The following SEC16A variants were observed in gnomAD, a reference collection of about 807,000 sequenced individuals.
The protein encoded by SEC16A is SEC16 homolog A, endoplasmic reticulum export factor.
Under a neutral mutation model 221.9 loss-of-function variants are expected in SEC16A, and 110 were observed. The observed-to-expected ratio is 0.50, with a 90% CI of 0.42 to 0.58. SEC16A has a LOEUF of 0.58. Among genes scored for constraint, SEC16A ranks in the 20% least tolerant of loss-of-function variants. SEC16A has a pLI of 0.00. For missense variants in SEC16A, 3,165 were observed against 3,097.8 expected (o/e 1.02, Z -0.52); for synonymous variants, 1,393 against 1,257.7 (o/e 1.11, Z -2.28).
At chr9:136,468,366 T>C in intron 5 of SEC16A, 49 bp downstream of exon 5, 1 of 1,237,674 alleles carries the variant, frequency 8.1e-7, no homozygotes, top group East Asian at 2.3e-5. Flanking sequence ...TCAGTGTCTT[T>C]TGCACAAGGC....
At chr9:136,449,939 C>G (rs553678443) in intron 23 of SEC16A, among the ~76,000 whole-genome samples, 4 of 152,186 alleles carry the variant, frequency 2.6e-5, no homozygotes, top group Admixed American at 6.5e-5. Context: ...CATGGTGGCT[C>G]ACACCTGTAA....
intron 30 of SEC16A, 105 bp downstream of exon 30, chr9:136,444,947 C>T (rs963558738): frequency 3.5e-5 from 30 of 845,296 alleles, no homozygotes; most frequent in South Asian, 7.3e-5. Context: ...AGACAACGGG[C>T]GAGGTTAGTG....
chr9:136,470,598 G>C (rs1191450427), intron 4 of SEC16A, among the ~76,000 whole-genome samples: 1 of 152,202 alleles, frequency 6.6e-6, no homozygotes, highest in Non-Finnish European at 1.5e-5. Flanking sequence ...ACAGCCTCCA[G>C]AGAGGTGAAG....
chr9:136,449,715 T>A (rs1209810459), intron 23 of SEC16A, among the ~76,000 whole-genome samples: 1 of 152,166 alleles, frequency 6.6e-6, no homozygotes, highest in Non-Finnish European at 1.5e-5. Flanking sequence ...TCTCTGTGAG[T>A]TCTACTGGCC....
At chr9:136,455,194 C>T (rs546388081) in intron 20 of SEC16A, among the ~76,000 whole-genome samples, 1 of 152,288 alleles carries the variant, frequency 6.6e-6, no homozygotes, top group South Asian at 2.1e-4. Flanking sequence ...GACTTGACTC[C>T]CTGGAGCTCT....
rs1248295806 is a variant in SEC16A at position 136,477,379 on chromosome 9, T to C, written c.237A>G (p.Gln79=). 1 of 1,614,006 alleles carries C rather than the reference T, an allele frequency of 6.2e-7. No individual in the cohort carries two copies. The highest frequency in any genetic ancestry group is 8.5e-7 in the Non-Finnish European group (1 of 1,179,888). Residue 79 remains glutamine, a synonymous_variant, in exon 3 of 32, where the codon CAA becomes CAG. Transcript: ENST00000684901. ...GAGAAAACCCTGCGGGGGCTGGGCC[T>C]TGCAAGACAGGTGGACTGCTTTTGG... The part of the protein sequence containing the change: ...SSSKSSPPVL[Q]GPAPAGFSQH...
In SEC16A at chr9:136,454,304, G is replaced by C; in HGVS notation, c.5881C>G (p.Pro1961Ala). The C allele has an allele frequency of 6.3e-7, 1 of 1,580,588 alleles. No homozygotes were observed. Residue 1961 changes from proline to alanine, a missense_variant, in exon 21 of 32, where the codon CCA (proline) becomes GCA (alanine). Transcript: ENST00000684901. ...PSAPQTLPDG[P>A]LASPARVPMF... ...GGCACTCTGGCAGGACTGGCCAATG[G>C]GCCGTCAGGGAGCGTCTGCGGAGCT...
Position 136,477,287 on chromosome 9 carries a change from A to G in SEC16A, c.329T>C (p.Leu110Pro). 1 of 1,613,916 alleles carries G rather than the reference A, an allele frequency of 6.2e-7. No individual in the cohort carries two copies. Reference protein sequence around the residue: ...RDSSQGPCEPLPGPLTQPRAH... With the variant: ...RDSSQGPCEPPPGPLTQPRAH... ...TCTGGGCTGTGTCAGAGGTCCAGGC[A>G]GGGGCTCACAGGGTCCCTGAGAGCT... Residue 110 changes from leucine (L) to proline (P), a missense_variant, in exon 3 of 32, where the codon CTG (leucine) becomes CCG (proline). By Grantham distance (98) the Leu-to-Pro change is moderately conservative. Around this residue, in one of 3 missense-constraint regions of SEC16A, gnomAD observed 2,030 missense variants for 1,923.1 expected, o/e 1.06. Coordinates refer to ENST00000684901, the MANE Select transcript of SEC16A (RefSeq NM_014866.2).
intron 8 of SEC16A, among the ~76,000 whole-genome samples, chr9:136,465,167 T>C (rs1177491910): frequency 6.7e-6 from 1 of 148,942 alleles, no homozygotes; most frequent in Non-Finnish European, 1.5e-5. Flanking sequence ...TTTAAGAAAG[T>C]AAGGCCGGGC....
Position 136,445,652 on chromosome 9 carries a change from C to T in SEC16A, c.6860G>A (p.Gly2287Glu). The T allele has an allele frequency of 1.9e-6, 3 of 1,550,740 alleles. No homozygotes were observed. Among genetic ancestry groups the T allele is most frequent in the South Asian group, 2.4e-5 (2 of 84,034 alleles). ...LPSSRPEGSQ[G>E]GELSRCSSMS... is the part of the protein sequence containing the mutation. ...GGCGTCGGCACTCCTTACCTCTCCT[C>T]CCTGGGAACCCTCAGGCCTGGAGGA... Residue 2287 changes from glycine (G) to glutamate (E), a missense_variant, in exon 29 of 32, where the codon GGA becomes GAA. By Grantham distance (98) the Gly-to-Glu change is moderately conservative. Transcript: ENST00000684901.
In SEC16A at chr9:136,475,983, T is replaced by C. The variant is rs1841570878; in HGVS notation, c.1633A>G (p.Thr545Ala). 6.2e-7 allele frequency: 1 copy of C among 1,613,386 alleles called. No individual in the cohort carries two copies. Among genetic ancestry groups the C allele is most frequent in the Non-Finnish European group, 8.5e-7 (1 of 1,179,900 alleles). ...GSARPQELVG[T>A]FIQQEVGKPE... ...TTTCCAACTTCTTGCTGAATGAATG[T>C]GCCAACCAGCTCCTGGGGCCTGGCT... Residue 545 changes from threonine (T) to alanine (A), a missense_variant, in exon 3 of 32, where the codon ACA becomes GCA. Thr to Ala is a moderately conservative substitution (Grantham distance 58, BLOSUM62 0). Transcript: ENST00000684901. This position sits in a 1 kb window ranked among gnomAD's most constrained non-coding sequence, Gnocchi z 5.0.
Position 136,474,974 on chromosome 9 carries a change from T to C in SEC16A, c.2642A>G (p.Glu881Gly). The C allele has an allele frequency of 1.9e-6, 3 of 1,577,618 alleles. No individual in the cohort carries two copies. The highest frequency in any genetic ancestry group is 2.6e-6 in the Non-Finnish European group (3 of 1,160,288). The part of the protein sequence containing the change: ...SSWALGGDSG[E>G]NTSLSGIPTS... Reference sequence around the variant, plus strand: ...TGGAATCCCAGACAAAGAAGTGTTCTCCCCAGAATCACCACCGAGAGCCCA... The same window carrying C: ...TGGAATCCCAGACAAAGAAGTGTTCCCCCCAGAATCACCACCGAGAGCCCA... The change falls in exon 3 of 32, where the codon GAG (glutamate) becomes GGG (glycine). Residue 881 changes from glutamate (E) to glycine (G), a missense_variant. By Grantham distance (98) the Glu-to-Gly change is moderately conservative (BLOSUM62 -2). Coordinates refer to ENST00000684901, the MANE Select transcript of SEC16A (RefSeq NM_014866.2).
rs747511937 is a variant in SEC16A, at chr9:136,467,103, G to A, written c.3803-20C>T. 1 of 1,611,228 alleles carries A rather than the reference G, an allele frequency of 6.2e-7. No individual in the cohort carries two copies. Among genetic ancestry groups the A allele is most frequent in the Admixed American group, 1.7e-5 (1 of 59,946 alleles). ...CTGGATCTGTGAGCAAGGAATTAAT[G>A]ATTAATACAGTAACATGCAAAAGAA... On this transcript the variant is annotated intron_variant, in intron 5 of 31. Coordinates refer to ENST00000684901, the MANE Select transcript of SEC16A (RefSeq NM_014866.2).
At chr9:136,458,260 T>G (rs564632089) in intron 17 of SEC16A, among the ~76,000 whole-genome samples, 8 of 151,458 alleles carry the variant, frequency 5.3e-5, no homozygotes, top group Non-Finnish European at 1.0e-4. Context: ...TGAGCCGCCA[T>G]GCTCAGCCTC....
At chr9:136,471,856 G>A (rs879626663) in intron 4 of SEC16A, 119 bp downstream of exon 4, 77 of 1,226,174 alleles carry the variant, frequency 6.3e-5, no homozygotes, top group Non-Finnish European at 8.2e-5. Flanking sequence ...TGTTAGATAA[G>A]TTTGTACAAT....
chr9:136,448,398 C>G, intron 23 of SEC16A: 1 of 681,672 alleles, frequency 1.5e-6, no homozygotes, highest in Non-Finnish European at 2.7e-6. Flanking sequence ...TCCACAGAGA[C>G]ACCAGGAGGA....
Position 136,447,199 on chromosome 9 carries a change from T to C in SEC16A, c.6697+28A>G. 6.3e-7 allele frequency: 1 copy of C among 1,579,964 alleles called. No individual in the cohort carries two copies. On this transcript the variant is annotated intron_variant, in intron 27 of 31. Coordinates refer to ENST00000684901, the MANE Select transcript of SEC16A (RefSeq NM_014866.2). This position sits in a 1 kb window ranked among gnomAD's most constrained non-coding sequence, Gnocchi z 5.5. ...AAGGTCAGGAGACTGGGGGCTGACC[T>C]GGAGGGGCTGGTGCTCGTGCTACCT...
In SEC16A at chr9:136,477,335, A is replaced by T. The variant is rs1564543606; in HGVS notation, c.281T>A (p.Val94Asp). Residue 94 changes from valine (V) to aspartate (D), a missense_variant, in exon 3 of 32, where the codon GTT (valine) becomes GAT (aspartate). Physicochemically the swap from Val to Asp is radical, Grantham distance 152. Transcript: ENST00000684901. ...AGFSQHPGLL[V>D]PHTHARDSSQ... ...GCTATCTCTGGCATGTGTGTGAGGAACAAGCAAACCGGGGTGCTGAGAAAA... is the reference window on the plus strand; with the variant it reads ...GCTATCTCTGGCATGTGTGTGAGGATCAAGCAAACCGGGGTGCTGAGAAAA... 4.3e-6 allele frequency: 7 copies of T among 1,613,938 alleles called. No individual in the cohort carries two copies. The highest frequency in any genetic ancestry group is 5.1e-6 in the Non-Finnish European group (6 of 1,179,882).
Position 136,448,141 on chromosome 9 carries a change from A to G in SEC16A, c.6333T>C (p.Arg2111=). 3 of 1,613,686 alleles carry G rather than the reference A, an allele frequency of 1.9e-6. No homozygotes were observed. The highest frequency in any genetic ancestry group is 2.2e-5 in the East Asian group (1 of 44,888). ...CTGTCTTTTTCTTTCCAGGTAGCCA[A>G]CGAAAGAACCAGGATTCACCCTAAA... The part of the protein sequence containing the change: ...EPKKGESWFF[R]WLPGKKKTEA... The change falls in exon 24 of 32, where the codon CGT becomes CGC. Residue 2111 remains arginine (R), a synonymous_variant. Transcript: ENST00000684901.
Sources: allele counts gnomAD v4.1 joint callset (sites outside exome capture counted in the v4.1 genomes callset), GRCh38; gene constraint gnomAD v4.1.1; regional missense constraint gnomAD v4.1.1; non-coding constraint Gnocchi (gnomAD v3.1); transcripts MANE v1.5; gene names NCBI Gene and HGNC (gene_info 2026-07-23, HGNC 2026-07-21).